Variants in KIAA1217 observed in about 807,000 individuals in gnomAD.
KIAA1217 encodes the protein KIAA1217.
KIAA1217 carries 88 observed loss-of-function variants against 163.9 expected under a neutral mutation model. The observed-to-expected ratio is 0.54, with a 90% CI of 0.45 to 0.64. The LOEUF (loss-of-function observed/expected upper bound fraction) is 0.64. Ranked by LOEUF, KIAA1217 falls within the 30% of genes least tolerant of loss-of-function variation. KIAA1217 has a pLI of 0.00. For missense variants in KIAA1217, 2,372 were observed against 2,475.0 expected, an observed-to-expected ratio of 0.96 and a Z score of 0.88; for synonymous variants, 903 against 923.1, an observed-to-expected ratio of 0.98 and a Z score of 0.39.
chr10:23,755,518 T>C (rs942994026), intron 1 of KIAA1217, among the ~76,000 whole-genome samples: 2 of 152,122 alleles, frequency 1.3e-5, no homozygotes, highest in Non-Finnish European at 2.9e-5. Flanking sequence ...GAATGTGCAA[T>C]GTAGAGATGA....
At chr10:23,817,310 CAGA>C (rs1471406160) in intron 1 of KIAA1217, among the ~76,000 whole-genome samples, 17 of 152,242 alleles carry the variant, frequency 1.1e-4, no homozygotes, top group Admixed American at 8.5e-4. Context: ...AGAATCCATC[CAGA>C]AGAATTGTCA....
At chr10:24,101,517 A>C (rs1589501910) in intron 2 of KIAA1217, among the ~76,000 whole-genome samples, 1 of 152,240 alleles carries the variant, frequency 6.6e-6, no homozygotes, top group South Asian at 2.1e-4. Context: ...TGATTTTTTA[A>C]TGTTTGCTGT....
At chr10:24,355,339 G>C (rs1030200401) in intron 2 of KIAA1217, among the ~76,000 whole-genome samples, 1 of 152,208 alleles carries the variant, frequency 6.6e-6, no homozygotes, top group Non-Finnish European at 1.5e-5. Flanking sequence ...GGGCTTAAAT[G>C]ACAGGGATTT....
rs551895221 is a variant in KIAA1217 at position 24,088,005 on chromosome 10, G to A, written c.-171+80631G>A. On this transcript the variant is annotated intron_variant, in intron 2 of 18. Coordinates refer to the KIAA1217 transcript ENST00000376462. ...AGTTAGTGGACCATCCATTGCAGAT[G>A]GTAGCCCAAATGAAGTAGTCCTTTC... is the stretch of plus-strand genomic sequence containing the variant. Among the ~76,000 whole-genome samples the A allele has an allele frequency of 4.3e-4, 39 of 91,504 alleles. 2 individuals carry two copies. The highest frequency in any genetic ancestry group is 9.8e-4 in the African/African-American group (36 of 36,754). 60.0% of individuals were successfully genotyped at this position (91,504 alleles called of 152,430 possible).
At chr10:23,875,411 G>A (rs1252509603) in intron 1 of KIAA1217, among the ~76,000 whole-genome samples, 2 of 151,950 alleles carry the variant, frequency 1.3e-5, no homozygotes, top group Admixed American at 6.6e-5. Context: ...TTGTGTTCCA[G>A]GATATCCAAG....
At chr10:24,209,383 C>A in intron 1 of KIAA1217, 120 bp downstream of exon 1, 3 of 709,212 alleles carry the variant, frequency 4.2e-6, no homozygotes, top group Non-Finnish European at 7.1e-6. Flanking sequence ...AAGGCAATTT[C>A]TTGGGATGGT....
At chr10:24,409,417 A>C (rs1389943217) in intron 3 of KIAA1217, among the ~76,000 whole-genome samples, 3 of 152,220 alleles carry the variant, frequency 2.0e-5, no homozygotes, top group Non-Finnish European at 4.4e-5. Flanking sequence ...ATTAATTTAT[A>C]GTGACAGAAA....
chr10:24,444,301 C>T (rs1352887449), intron 5 of KIAA1217, among the ~76,000 whole-genome samples: 3 of 152,160 alleles, frequency 2.0e-5, no homozygotes, highest in East Asian at 3.8e-4. Context: ...CGTGAGCCAC[C>T]ATGCCCAGCC....
chr10:24,141,839 C>A (rs1288396422), intron 2 of KIAA1217, among the ~76,000 whole-genome samples: 1 of 151,562 alleles, frequency 6.6e-6, no homozygotes, highest in Non-Finnish European at 1.5e-5. Context: ...TTCCCAACCT[C>A]CAGAACTGTG....
intron 1 of KIAA1217, among the ~76,000 whole-genome samples, chr10:23,959,998 C>G (rs1200434122): frequency 1.3e-5 from 2 of 150,250 alleles, no homozygotes; most frequent in African/African-American, 4.9e-5. Flanking sequence ...TCACCGCAAG[C>G]TCCTCCTCCC....
At chr10:24,105,350 A>G (rs2062583019) in intron 2 of KIAA1217, among the ~76,000 whole-genome samples, 1 of 152,202 alleles carries the variant, frequency 6.6e-6, no homozygotes, top group African/African-American at 2.4e-5. Flanking sequence ...AGCCAGACGG[A>G]GTAGGTGCAG....
chr10:24,342,971 T>G (rs2047287979), intron 2 of KIAA1217, among the ~76,000 whole-genome samples: 1 of 152,182 alleles, frequency 6.6e-6, no homozygotes, highest in Admixed American at 6.6e-5. Flanking sequence ...CAGTTTTTAA[T>G]GATTACATTG....
Position 24,025,735 on chromosome 10 carries a change from T to A in KIAA1217, c.-171+18361T>A, listed in dbSNP as rs186521161. On this transcript the variant is annotated intron_variant, in intron 2 of 18. Transcript: ENST00000376462. Reference sequence around the variant, plus strand: ...TGTACAACTCTTGCACATATCTTGTTAAACTTATCTCTAAGTATTTCACTT... The same window carrying A: ...TGTACAACTCTTGCACATATCTTGTAAAACTTATCTCTAAGTATTTCACTT... Among the ~76,000 whole-genome samples the A allele has an allele frequency of 1.8e-4, 27 of 151,942 alleles. No individual in the cohort carries two copies. In the East Asian group the frequency reaches 3.3e-3, roughly 19 times the overall value.
rs1044251147 is a variant in KIAA1217, at chr10:24,058,735, T to C, written c.-171+51361T>C. ...AACTTATTTTCATATGTTGATTTTATACCCTGCAGCTTTACTAAATTCACT... is the reference window on the plus strand; with the variant it reads ...AACTTATTTTCATATGTTGATTTTACACCCTGCAGCTTTACTAAATTCACT... On this transcript the variant is annotated intron_variant, in intron 2 of 18. Transcript: ENST00000376462. Among the ~76,000 whole-genome samples the C allele has an allele frequency of 5.9e-5, 9 of 152,212 alleles. No individual in the cohort carries two copies. In the South Asian group the frequency reaches 6.2e-4, roughly 10 times the overall value.
At chr10:23,903,307 G>C (rs1170852063) in intron 1 of KIAA1217, among the ~76,000 whole-genome samples, 2 of 152,072 alleles carry the variant, frequency 1.3e-5, no homozygotes, top group East Asian at 3.9e-4. Flanking sequence ...AAAGTCTTTT[G>C]TAAGGGAGAA....
chr10:24,457,987 A>G (rs945458348), intron 5 of KIAA1217, among the ~76,000 whole-genome samples: 1 of 152,228 alleles, frequency 6.6e-6, no homozygotes, highest in African/African-American at 2.4e-5. Context: ...GTTGGGACAC[A>G]GGGAAGCAGA....
At chr10:24,220,690 G>A (rs1353390099) in intron 2 of KIAA1217, among the ~76,000 whole-genome samples, 4 of 149,992 alleles carry the variant, frequency 2.7e-5, no homozygotes, top group East Asian at 2.0e-4. Context: ...TCCTGATCTC[G>A]TGATCCGCCC....
At chr10:24,092,928 T>TTGTGTGTG (rs72267704) in intron 2 of KIAA1217, among the ~76,000 whole-genome samples, 1,741 of 141,036 alleles carry the variant, frequency 0.012, 67 homozygotes, top group African/African-American at 0.045. Flanking sequence ...TGTGTGTGTG[T>TTGTGTGTG]TGTGTGTGTG....
At chr10:24,288,345 C>A (rs567523764) in intron 2 of KIAA1217, among the ~76,000 whole-genome samples, 6 of 152,348 alleles carry the variant, frequency 3.9e-5, no homozygotes, top group African/African-American at 1.4e-4. Flanking sequence ...AGGGCTAGAT[C>A]TCCATTTAGC....
Sources: gnomAD v4.1 joint callset for allele counts (sites outside exome capture counted in the v4.1 genomes callset) on GRCh38, gnomAD v4.1.1 for gene constraint, MANE v1.5 for transcripts, NCBI Gene and HGNC (gene_info 2026-07-23, HGNC 2026-07-21) for gene names.